The following COQ6 variants were observed in gnomAD, a reference collection of about 807,000 sequenced individuals.
COQ6 encodes the protein coenzyme Q6, monooxygenase.
Under a neutral mutation model 55.5 loss-of-function variants are expected in COQ6, and 45 were observed. The observed-to-expected ratio is 0.81, with a 90% CI of 0.64 to 1.04. The LOEUF (loss-of-function observed/expected upper bound fraction) is 1.04, where lower values mean the gene tolerates loss of function less well. Among genes scored for constraint, COQ6 ranks in the 50% least tolerant of loss-of-function variants. The pLI, the probability that COQ6 is intolerant of heterozygous loss-of-function variation, is 0.00. For missense variants in COQ6, 550 were observed against 601.3 expected, an observed-to-expected ratio of 0.91 and a Z score of 0.89; for synonymous variants, 206 against 230.5, an observed-to-expected ratio of 0.89 and a Z score of 0.96.
At chr14:73,953,061 G>T (rs556337236) in intron 1 of COQ6, among the ~76,000 whole-genome samples, 1 of 152,162 alleles carries the variant, frequency 6.6e-6, no homozygotes, top group African/African-American at 2.4e-5. Flanking sequence ...TTTTGAACAG[G>T]AGTTGTAATT....
At chr14:73,952,424 T>C (rs759795314) in intron 1 of COQ6, among the ~76,000 whole-genome samples, 1 of 149,240 alleles carries the variant, frequency 6.7e-6, no homozygotes, top group Admixed American at 6.7e-5. Context: ...GCCTGACCTT[T>C]CTTTCTTTTC....
At chr14:73,958,447 A>T (rs550108600) in intron 5 of COQ6, 170 bp downstream of exon 5, 1 of 1,482,544 alleles carries the variant, frequency 6.7e-7, no homozygotes, top group Non-Finnish European at 9.0e-7. Flanking sequence ...CTCATCGTAA[A>T]TCCTGTACAG....
In COQ6 at chr14:73,963,599, T is replaced by G. The variant is rs2056854416; in HGVS notation, c.*600T>G. The G allele has an allele frequency of 6.4e-6, 1 of 156,026 alleles. No individual in the cohort carries two copies. Among genetic ancestry groups the G allele is most frequent in the Non-Finnish European group, 1.4e-5 (1 of 70,894 alleles). 9.7% of individuals were successfully genotyped at this position (156,026 alleles called of 1,614,324 possible). Reference sequence around the variant, plus strand: ...CACCACTGTCGGTTTAATAAAACAATAAATAATTCATTGCACAGATCCGAA... The same window carrying G: ...CACCACTGTCGGTTTAATAAAACAAGAAATAATTCATTGCACAGATCCGAA... On this transcript the variant is annotated 3_prime_UTR_variant, in exon 12 of 12. Transcript: ENST00000334571.
At chr14:73,954,713 G>A (rs866489599) in intron 2 of COQ6, among the ~76,000 whole-genome samples, 32 of 151,280 alleles carry the variant, frequency 2.1e-4, no homozygotes, top group Non-Finnish European at 3.1e-4. Flanking sequence ...GCATGGCGGC[G>A]GATGCCTGTA....
At chr14:73,961,698 T>C (rs1366815869) in intron 10 of COQ6, 39 bp from the exon 11 acceptor site, 4 of 1,612,732 alleles carry the variant, frequency 2.5e-6, no homozygotes, top group Non-Finnish European at 3.4e-6. Context: ...GAAAACCTTA[T>C]TATTGGATTA....
At chr14:73,962,018 A>T in intron 11 of COQ6, 115 bp downstream of exon 11, 2 of 1,214,026 alleles carry the variant, frequency 1.6e-6, no homozygotes. Context: ...CACAATTTCC[A>T]CTCACTGCAG....
At chr14:73,955,104 C>T (rs551700599) in intron 2 of COQ6, among the ~76,000 whole-genome samples, 46 of 151,582 alleles carry the variant, frequency 3.0e-4, no homozygotes, top group African/African-American at 1.0e-3. Flanking sequence ...AGGCGCCCGC[C>T]ACCACGCCCA....
At chr14:73,958,476 G>C (rs745889170) in intron 5 of COQ6, 199 bp downstream of exon 5, 6 of 1,412,748 alleles carry the variant, frequency 4.2e-6, no homozygotes, top group Non-Finnish European at 5.5e-6. Context: ...CTCATGGGCC[G>C]TCTTAGGTTG....
In COQ6 at chr14:73,958,135, T is replaced by G. The variant is rs1228596776; in HGVS notation, c.482-12T>G. The G allele has an allele frequency of 5.0e-6, 8 of 1,613,348 alleles. 1 individual carries two copies. In the South Asian group the frequency reaches 8.8e-5, roughly 18 times the overall value. On this transcript the variant is annotated splice_polypyrimidine_tract_variant and intron_variant, in intron 4 of 11. Transcript: ENST00000334571. The stretch of plus-strand genomic sequence containing the variant: ...CTTTCTAATTTTTTTTCCTCTCTTT[T>G]GACCTCCCCAGACCGAGTGACGGTT...
intron 5 of COQ6, 114 bp downstream of exon 5, chr14:73,958,391 G>C (rs1157908058): frequency 6.4e-7 from 1 of 1,559,254 alleles, no homozygotes; most frequent in Non-Finnish European, 8.7e-7. Flanking sequence ...AAAACTTTTG[G>C]TTATGAGGAC....
chr14:73,953,633 C>T, intron 2 of COQ6, 64 bp downstream of exon 2: 1 of 1,599,732 alleles, frequency 6.3e-7, no homozygotes, highest in Non-Finnish European at 8.6e-7. Flanking sequence ...TAGTGTATCC[C>T]ATGGGGCAGA....
At chr14:73,952,082 GGACCGCTCACT>G (rs1479360430) in intron 1 of COQ6, among the ~76,000 whole-genome samples, 1 of 148,028 alleles carries the variant, frequency 6.8e-6, no homozygotes, top group Non-Finnish European at 1.5e-5. Flanking sequence ...CTGCCAAGAT[GGACCGCTCACT>G]GTCTGTATGG....
At chr14:73,958,499 T>G in intron 5 of COQ6, 2 of 1,369,684 alleles carry the variant, frequency 1.5e-6, no homozygotes, top group Non-Finnish European at 1.9e-6. Flanking sequence ...AAATAACAGA[T>G]AGCTGGGCCT....
chr14:73,950,179 A>AG, upstream of COQ6: 3 of 1,569,312 alleles, frequency 1.9e-6, no homozygotes, highest in Non-Finnish European at 2.6e-6. Flanking sequence ...CGAGGAGGCA[A>AG]GGTTCGTTTT....
At position 73,963,186 on chromosome 14, in the gene COQ6, T is replaced by A. The variant is rs1428629438; in HGVS notation, c.*187T>A. 1.5e-6 allele frequency: 1 copy of A among 656,686 alleles called. No homozygotes were observed. The highest frequency in any genetic ancestry group is 2.7e-6 in the Non-Finnish European group (1 of 367,020). 40.7% of individuals were successfully genotyped at this position (656,686 alleles called of 1,614,324 possible). A position where few individuals can be genotyped will look rare whatever the true frequency, so the allele number is the denominator to read the frequency against. ...ATGATAATTTGCTGTGAGGAGCGTA[T>A]ATTAGCCAGACCAAAGGAAAAAACT... is the stretch of plus-strand genomic sequence containing the variant. On this transcript the variant is annotated 3_prime_UTR_variant, in exon 12 of 12. Transcript: ENST00000334571.
chr14:73,959,581 G>T (rs995384109), intron 8 of COQ6, 59 bp downstream of exon 8: 180 of 1,405,218 alleles, frequency 1.3e-4, no homozygotes, highest in Admixed American at 5.1e-4. Context: ...GAAAGGTGTT[G>T]TTTTTTTTTT....
chr14:73,961,162 ATGC>A lies in COQ6; in HGVS notation c.892-6_892-4del, dbSNP rs766411480. 11 of 1,612,438 alleles carry A rather than the reference ATGC, an allele frequency of 6.8e-6. No individual in the cohort carries two copies. Among genetic ancestry groups the A allele is most frequent in the Non-Finnish European group, 8.5e-6 (10 of 1,179,552 alleles). On this transcript the variant is annotated splice_region_variant and splice_polypyrimidine_tract_variant and intron_variant, in intron 8 of 11. Transcript: ENST00000334571. The stretch of plus-strand genomic sequence containing the variant: ...TTTCACCTTGTTTGTCTTGTGGCTG[ATGC>A]TGCTCAGTGGAGTGATGCTGACCAC...
chr14:73,957,388 A>G (rs1184663612), intron 4 of COQ6, among the ~76,000 whole-genome samples: 1 of 152,170 alleles, frequency 6.6e-6, no homozygotes. Context: ...CTGGCCCTCT[A>G]TTATTTAAAT....
upstream of COQ6, chr14:73,950,134 G>A (rs1374808242): frequency 4.4e-6 from 7 of 1,598,020 alleles, no homozygotes; most frequent in African/African-American, 5.3e-5. Flanking sequence ...TTGGCGTCTG[G>A]TTGGCTTCCA....
Sources: gnomAD v4.1 joint callset for allele counts (sites outside exome capture counted in the v4.1 genomes callset) on GRCh38, gnomAD v4.1.1 for gene constraint, MANE v1.5 for transcripts, NCBI Gene and HGNC (gene_info 2026-07-23, HGNC 2026-07-21) for gene names.